ALPL: variants seen among roughly 807,000 people sequenced by gnomAD.
The protein encoded by ALPL is alkaline phosphatase, biomineralization associated, also known as alkaline phosphatase, tissue-nonspecific isozyme.
A neutral mutation model predicts 51.3 loss-of-function variants in ALPL; 42 were observed. The observed-to-expected ratio is 0.82, with a 90% CI of 0.64 to 1.06. The LOEUF is 1.06. Ranked by LOEUF, ALPL falls within the 50% of genes least tolerant of loss-of-function variation. The pLI is 0.00. For missense variants in ALPL, 589 were observed against 709.4 expected, an observed-to-expected ratio of 0.83 and a Z score of 1.93; for synonymous variants, 279 against 296.4, an observed-to-expected ratio of 0.94 and a Z score of 0.60.
At chr1:21,532,544 GAA>G (rs1644044712) in intron 1 of ALPL, among the ~76,000 whole-genome samples, 1 of 152,240 alleles carries the variant, frequency 6.6e-6, no homozygotes, top group Admixed American at 6.5e-5. Flanking sequence ...GGAAACAAGA[GAA>G]ATAAGGAAAA....
intron 9 of ALPL, chr1:21,574,680 A>G (rs1420500060): frequency 6.6e-6 from 1 of 152,192 alleles, no homozygotes; most frequent in African/African-American, 2.4e-5. Flanking sequence ...ACTCGAGCAC[A>G]GCGGTCTTGG....
intron 1 of ALPL, among the ~76,000 whole-genome samples, chr1:21,517,508 C>G (rs1311742839): frequency 6.6e-6 from 1 of 152,102 alleles, no homozygotes; most frequent in Non-Finnish European, 1.5e-5. Context: ...GTGGGAGGCC[C>G]CAGGGGGAGG....
rs986257298 is a variant in ALPL at position 21,577,583 on chromosome 1, G to A, written c.1510G>A (p.Gly504Ser). The part of the protein sequence containing the change: ...LGHCAPASSA[G>S]SLAAGPLLLA... ...CCACTGTGCTCCTGCCAGCTCGGCA[G>A]GCAGCCTTGCTGCAGGCCCCCTGCT... Residue 504 changes from glycine (G) to serine (S), a missense_variant, in exon 12 of 12, where the codon GGC becomes AGC. Physicochemically the swap from Gly to Ser is moderately conservative, Grantham distance 56. Coordinates refer to ENST00000374840, the MANE Select transcript of ALPL (RefSeq NM_000478.6). The A allele has an allele frequency of 2.5e-6, 4 of 1,602,402 alleles. No individual in the cohort carries two copies. Among genetic ancestry groups the A allele is most frequent in the Non-Finnish European group, 3.4e-6 (4 of 1,179,774 alleles).
At position 21,513,902 on chromosome 1, in the gene ALPL, C is replaced by G. The variant is rs1159505794; in HGVS notation, c.-105+4385C>G. On this transcript the variant is annotated intron_variant, in intron 1 of 11. Transcript: ENST00000374840. The stretch of plus-strand genomic sequence containing the variant: ...CACTTTACCACAGTCTCCACCACGC[C>G]CCACTGCCTCACACTTGCCCACCTG... 2.6e-5 allele frequency among the ~76,000 whole-genome samples: 4 copies of G among 152,172 alleles called. No individual in the cohort carries two copies. In the East Asian group the frequency reaches 7.7e-4, roughly 29 times the overall value.
chr1:21,534,046 G>A (rs1317765465), intron 1 of ALPL, among the ~76,000 whole-genome samples: 2 of 144,896 alleles, frequency 1.4e-5, no homozygotes, highest in South Asian at 2.1e-4. Flanking sequence ...GTGCAGTGGC[G>A]CAATCTCGGA....
chr1:21,547,712 G>A (rs1166798328), intron 1 of ALPL, among the ~76,000 whole-genome samples: 1 of 152,224 alleles, frequency 6.6e-6, no homozygotes, highest in African/African-American at 2.4e-5. Context: ...ATGGCGCATA[G>A]TCGAAGACTA....
intron 6 of ALPL, among the ~76,000 whole-genome samples, chr1:21,565,202 C>T (rs747216874): frequency 6.6e-6 from 1 of 152,208 alleles, no homozygotes; most frequent in Non-Finnish European, 1.5e-5. Context: ...TACTTGGCCC[C>T]TCCACAGTAG....
chr1:21,518,037 T>C (rs531647565), intron 1 of ALPL, among the ~76,000 whole-genome samples: 157 of 152,116 alleles, frequency 1.0e-3, no homozygotes, highest in African/African-American at 3.7e-3. Flanking sequence ...AGTGTCACGG[T>C]GCTCCTTGGT....
intron 1 of ALPL, among the ~76,000 whole-genome samples, chr1:21,520,045 A>G (rs1354831858): frequency 1.3e-5 from 2 of 152,128 alleles, no homozygotes; most frequent in Non-Finnish European, 2.9e-5. Context: ...TTAATCAGCC[A>G]TTGACCTTGG....
chr1:21,559,649 A>T (rs1409332732), intron 2 of ALPL, among the ~76,000 whole-genome samples: 1 of 152,156 alleles, frequency 6.6e-6, no homozygotes, highest in Non-Finnish European at 1.5e-5. Context: ...CCTCCTGAGT[A>T]GCTGGGACTA....
intron 1 of ALPL, among the ~76,000 whole-genome samples, chr1:21,519,732 G>C (rs1244653992): frequency 1.3e-5 from 2 of 152,214 alleles, no homozygotes; most frequent in East Asian, 3.8e-4. Flanking sequence ...GGGAGGCGGA[G>C]GTTGCAGTGA....
intron 1 of ALPL, among the ~76,000 whole-genome samples, chr1:21,516,899 G>T (rs1472306191): frequency 6.6e-6 from 1 of 152,156 alleles, no homozygotes; most frequent in African/African-American, 2.4e-5. Flanking sequence ...TTTTGTCCTG[G>T]AATTGTAAGT....
intron 1 of ALPL, among the ~76,000 whole-genome samples, chr1:21,535,760 T>G (rs17455136): frequency 0.29 from 43,935 of 151,996 alleles, 6,861 homozygotes; most frequent in South Asian, 0.43. Flanking sequence ...TGCTCCTGAG[T>G]GGAACAAACT....
chr1:21,514,013 A>T (rs1290560083), intron 1 of ALPL, among the ~76,000 whole-genome samples: 1 of 152,178 alleles, frequency 6.6e-6, no homozygotes. Context: ...CTCAAATTCC[A>T]CTTGAATGAT....
intron 1 of ALPL, among the ~76,000 whole-genome samples, chr1:21,534,353 G>T (rs1644069885): frequency 6.6e-6 from 1 of 152,252 alleles, no homozygotes; most frequent in African/African-American, 2.4e-5. Context: ...TGTGGGCTTA[G>T]TGATAAGCCA....
At chr1:21,566,492 TGTTGGCCA>T (rs1424970579) in intron 6 of ALPL, among the ~76,000 whole-genome samples, 1 of 152,086 alleles carries the variant, frequency 6.6e-6, no homozygotes, top group Non-Finnish European at 1.5e-5. Context: ...GGTTTCGCCA[TGTTGGCCA>T]GGCTGGTCTC....
intron 1 of ALPL, among the ~76,000 whole-genome samples, chr1:21,531,888 C>T (rs1208425144): frequency 2.0e-5 from 3 of 152,156 alleles, no homozygotes; most frequent in Non-Finnish European, 4.4e-5. Context: ...CTGGCTGCAG[C>T]AACCCCTCCC....
intron 9 of ALPL, chr1:21,574,010 G>A (rs1644691068): frequency 8.1e-6 from 8 of 985,342 alleles, no homozygotes; most frequent in African/African-American, 5.2e-5. Context: ...TGCAAGTTAG[G>A]TTCAGCAATC....
At chr1:21,553,324 C>T (rs1558542686) in intron 1 of ALPL, among the ~76,000 whole-genome samples, 1 of 152,126 alleles carries the variant, frequency 6.6e-6, no homozygotes, top group Non-Finnish European at 1.5e-5. Context: ...GAAATGGCCA[C>T]ACTTACCAGC....
Sources: allele counts gnomAD v4.1 joint callset (sites outside exome capture counted in the v4.1 genomes callset), GRCh38; gene constraint gnomAD v4.1.1; transcripts MANE v1.5; gene names NCBI Gene and HGNC (gene_info 2026-07-23, HGNC 2026-07-21).